The following SKIC3 variants were observed in gnomAD, a reference collection of about 807,000 sequenced individuals.
The protein encoded by SKIC3 is SKI3 subunit of superkiller complex.
the SKIC3 span, chr5:95,528,253 A>G: frequency 7.0e-7 from 1 of 1,420,692 alleles, no homozygotes; most frequent in South Asian, 1.2e-5. Flanking sequence ...TACAATAAGC[A>G]TAAATTTCCA....
chr5:95,524,355 A>C, the SKIC3 span: 2 of 1,467,990 alleles, frequency 1.4e-6, no homozygotes, highest in Non-Finnish European at 1.8e-6. Flanking sequence ...TGAAAGATAA[A>C]GCACAAAAAA....
chr5:95,551,637 A>G, the SKIC3 span, among the ~76,000 whole-genome samples: 1 of 152,198 alleles, frequency 6.6e-6, no homozygotes, highest in East Asian at 1.9e-4. Flanking sequence ...TTTATCACTC[A>G]GTCACTTCAA....
the SKIC3 span, among the ~76,000 whole-genome samples, chr5:95,545,516 C>T: frequency 6.6e-6 from 1 of 152,242 alleles, no homozygotes; most frequent in East Asian, 1.9e-4. Flanking sequence ...TATTTTTAAC[C>T]TTTCTTTTAA....
chr5:95,493,587 A>G, the SKIC3 span, among the ~76,000 whole-genome samples: 7 of 152,158 alleles, frequency 4.6e-5, no homozygotes, highest in Non-Finnish European at 1.0e-4. Context: ...AAGAAAAGAT[A>G]AACAACAGAA....
At chr5:95,543,232 G>A in the SKIC3 span, 1 of 1,613,920 alleles carries the variant, frequency 6.2e-7, no homozygotes, top group Admixed American at 1.7e-5. Context: ...CTTTTTTATA[G>A]GCACTCTGGG....
the SKIC3 span, chr5:95,523,425 G>T: frequency 1.4e-6 from 2 of 1,379,890 alleles, no homozygotes; most frequent in South Asian, 2.6e-5. Flanking sequence ...TCTCACTTCT[G>T]ATTTTTTAAA....
chr5:95,492,683 A>C, the SKIC3 span, among the ~76,000 whole-genome samples: 19 of 142,326 alleles, frequency 1.3e-4, no homozygotes, highest in African/African-American at 3.2e-4. Context: ...AAAAAAAAAA[A>C]AAAAAACAAG....
the SKIC3 span, among the ~76,000 whole-genome samples, chr5:95,544,205 C>G: frequency 3.9e-3 from 600 of 152,188 alleles, 5 homozygotes; most frequent in African/African-American, 0.014. Context: ...GTAAAGGGAG[C>G]ACCAGGGGGA....
At chr5:95,480,197 T>A in the SKIC3 span, among the ~76,000 whole-genome samples, 2 of 152,012 alleles carry the variant, frequency 1.3e-5, no homozygotes, top group African/African-American at 4.8e-5. Flanking sequence ...AGTTCTTAAA[T>A]AGAATATCCC....
At chr5:95,509,516 C>T in the SKIC3 span, 1 of 1,120,308 alleles carries the variant, frequency 8.9e-7, no homozygotes, top group Non-Finnish European at 1.3e-6. Context: ...TCTCCCAACG[C>T]ACAGGCCAGT....
chr5:95,528,126 C>G, the SKIC3 span: 1 of 1,613,786 alleles, frequency 6.2e-7, no homozygotes, highest in South Asian at 1.1e-5. Context: ...TTACCAGACG[C>G]ACCAAGATTA....
chr5:95,554,537 G>A, the SKIC3 span, among the ~76,000 whole-genome samples: 1 of 152,130 alleles, frequency 6.6e-6, no homozygotes, highest in Non-Finnish European at 1.5e-5. Flanking sequence ...TGAAGGCAAG[G>A]AACAGCTATG....
At chr5:95,476,123 C>A in the SKIC3 span, among the ~76,000 whole-genome samples, 2 of 152,190 alleles carry the variant, frequency 1.3e-5, no homozygotes, top group Admixed American at 1.3e-4. Context: ...GGAGGCATGC[C>A]CCACTCTTGT....
chr5:95,512,539 T>C, the SKIC3 span: 2 of 1,614,066 alleles, frequency 1.2e-6, no homozygotes, highest in Admixed American at 1.7e-5. Flanking sequence ...GATGTTGTAC[T>C]GGTACAGCTC....
chr5:95,520,705 A>C, the SKIC3 span: 4 of 1,596,452 alleles, frequency 2.5e-6, no homozygotes, highest in South Asian at 1.1e-5. Flanking sequence ...AATAATAAGA[A>C]TAATACGAAC....
the SKIC3 span, among the ~76,000 whole-genome samples, chr5:95,520,546 G>A: frequency 7.4e-5 from 11 of 148,484 alleles, no homozygotes; most frequent in East Asian, 2.0e-3. Context: ...GTTTCCCCAA[G>A]TGCAAAATTA....
the SKIC3 span, among the ~76,000 whole-genome samples, chr5:95,551,105 GTATAA>G: frequency 1.3e-5 from 2 of 152,002 alleles, no homozygotes; most frequent in South Asian, 2.1e-4. Flanking sequence ...AACATAAGGA[GTATAA>G]TATAATACAA....
chr5:95,530,342 A>G, the SKIC3 span: 2 of 1,126,968 alleles, frequency 1.8e-6, no homozygotes, highest in South Asian at 1.4e-5. Context: ...TCTTCACCAC[A>G]TGCTGACTCC....
chr5:95,508,528 T>C, the SKIC3 span, among the ~76,000 whole-genome samples: 7 of 152,220 alleles, frequency 4.6e-5, no homozygotes, highest in Admixed American at 1.3e-4. Flanking sequence ...CCTGCCTAGA[T>C]AAACAAGTGG....
Sources: allele counts gnomAD v4.1 joint callset (sites outside exome capture counted in the v4.1 genomes callset), GRCh38; gene constraint gnomAD v4.1.1; transcripts MANE v1.5; gene names NCBI Gene and HGNC (gene_info 2026-07-23, HGNC 2026-07-21).